The following TMED8 variants were observed in gnomAD, a reference collection of about 807,000 sequenced individuals.
The protein encoded by TMED8 is transmembrane p24 trafficking protein family member 8.
Under a neutral mutation model 32.7 loss-of-function variants are expected in TMED8, and 15 were observed. The ratio of observed to expected loss-of-function variants is 0.46; its 90% CI spans 0.31 to 0.71. TMED8 has a LOEUF of 0.71. Ranked by LOEUF, TMED8 falls within the 30% of genes least tolerant of loss-of-function variation. TMED8 has a pLI of 0.06. For synonymous variants in TMED8, 147 were observed against 161.4 expected, an observed-to-expected ratio of 0.91 and a Z score of 0.68; for missense variants, 390 against 423.9, an observed-to-expected ratio of 0.92 and a Z score of 0.70.
chr14:77,370,728 T>C (rs559240095), intron 1 of TMED8, among the ~76,000 whole-genome samples: 1 of 143,242 alleles, frequency 7.0e-6, no homozygotes, highest in East Asian at 2.0e-4. Context: ...AGATGTTTTA[T>C]GCATATAAAA....
chr14:77,358,165 C>T (rs978529372), intron 1 of TMED8, among the ~76,000 whole-genome samples: 1 of 132,042 alleles, frequency 7.6e-6, no homozygotes, highest in African/African-American at 2.8e-5. Flanking sequence ...TTAAAGACCA[C>T]AATCAATGTA....
chr14:77,359,694 T>C (rs942209191), intron 1 of TMED8: 2 of 286,884 alleles, frequency 7.0e-6, no homozygotes, highest in Non-Finnish European at 1.4e-5. Context: ...AGGCAAACCA[T>C]GGTTGTTAGA....
intron 1 of TMED8, among the ~76,000 whole-genome samples, chr14:77,354,682 AGT>A (rs1893251653): frequency 6.6e-6 from 1 of 152,202 alleles, no homozygotes; most frequent in Admixed American, 6.5e-5. Flanking sequence ...GGCTGGGTGC[AGT>A]GGCTCATGCC....
chr14:77,342,690 C>T (rs887677210), intron 5 of TMED8, among the ~76,000 whole-genome samples: 2 of 152,200 alleles, frequency 1.3e-5, no homozygotes, highest in Admixed American at 6.5e-5. Flanking sequence ...CCCGGAGACC[C>T]TTTTAAAACT....
chr14:77,345,318 G>C (rs1892999363), intron 3 of TMED8, among the ~76,000 whole-genome samples: 1 of 152,158 alleles, frequency 6.6e-6, no homozygotes, highest in African/African-American at 2.4e-5. Flanking sequence ...GAGACACAAT[G>C]GCACCTATCT....
rs1479423699 is a variant in TMED8 at position 77,376,633 on chromosome 14, C to A, written c.118+303G>T. On this transcript the variant is annotated intron_variant, in intron 1 of 5. Coordinates refer to ENST00000216468, the MANE Select transcript of TMED8 (RefSeq NM_213601.3). The surrounding 1 kb of genome is among the most constrained non-coding windows in gnomAD (Gnocchi z 4.0). ...GGTGGGACCCGAACCCCGGCTGAAG[C>A]TGAAACTGAAGCTGAAGAGGCGCCA... The A allele has an allele frequency of 1.4e-5, 3 of 213,884 alleles. No homozygotes were observed. The highest frequency in any genetic ancestry group is 2.3e-5 in the African/African-American group (1 of 43,610). The allele number at this position is 213,884 out of a possible 1,614,324, so 13.2% of individuals were successfully genotyped here.
In TMED8 at chr14:77,341,823, TAGG is replaced by T; in HGVS notation, c.923_925del (p.Ser308del). 1 of 1,612,978 alleles carries T rather than the reference TAGG, an allele frequency of 6.2e-7. No individual in the cohort carries two copies. The highest frequency in any genetic ancestry group is 8.5e-7 in the Non-Finnish European group (1 of 1,179,914). ...GAGAGTCTTGTTGCGCAGCAGGGAG[TAGG>T]AGTTGTCGAACTTGAGCAGGTAGAT... On this transcript the variant is annotated inframe_deletion, in exon 6 of 6. Transcript: ENST00000216468.
Position 77,341,728 on chromosome 14 carries a change from G to T in TMED8, c.*43C>A. 6.3e-7 allele frequency: 1 copy of T among 1,598,728 alleles called. No homozygotes were observed. The highest frequency in any genetic ancestry group is 8.6e-7 in the Non-Finnish European group (1 of 1,166,400). ...AACAAGAGGCACCAGCTGGCAGCCT[G>T]CTTCAGCCAGCAAATACAGCCTGCC... On this transcript the variant is annotated 3_prime_UTR_variant, in exon 6 of 6. Coordinates refer to ENST00000216468, the MANE Select transcript of TMED8 (RefSeq NM_213601.3).
In TMED8 at chr14:77,355,265, A is replaced by C. The variant is rs35549669; in HGVS notation, c.119-3514T>G. 1.4e-4 allele frequency among the ~76,000 whole-genome samples: 21 copies of C among 150,498 alleles called. No homozygotes were observed. The East Asian group carries it at 3.0e-3, about 21-fold the overall frequency. On this transcript the variant is annotated intron_variant, in intron 1 of 5. Coordinates refer to ENST00000216468, the MANE Select transcript of TMED8 (RefSeq NM_213601.3). The stretch of plus-strand genomic sequence containing the variant: ...GGCTGGAGTGCAATGGCATGATCTC[A>C]GCTCACTGCAACCTCTGTCTCCGTG...
In TMED8 at chr14:77,346,509, G is replaced by A. The variant is rs771440264; in HGVS notation, c.198-31C>T. ...AGAGGAAGAGAGCATGTTAATTCAA[G>A]GACTCTTTGAAAAGACTCAATCATC... On this transcript the variant is annotated intron_variant, in intron 2 of 5. Coordinates refer to ENST00000216468, the MANE Select transcript of TMED8 (RefSeq NM_213601.3). 8 of 1,612,540 alleles carry A rather than the reference G, an allele frequency of 5.0e-6. No homozygotes were observed. The South Asian group carries it at 7.7e-5, about 16-fold the overall frequency.
At chr14:77,345,659 C>CAAAAAA (rs11297608) in intron 3 of TMED8, among the ~76,000 whole-genome samples, 1 of 103,208 alleles carries the variant, frequency 9.7e-6, no homozygotes, top group Non-Finnish European at 1.9e-5. Context: ...ACCTTTGTCT[C>CAAAAAA]AAAAAAAAAA....
Position 77,377,086 on chromosome 14 carries a change from G to A in TMED8, c.-33C>T, listed in dbSNP as rs1476561450. The A allele has an allele frequency of 3.1e-5, 40 of 1,287,252 alleles. No individual in the cohort carries two copies. The highest frequency in any genetic ancestry group is 3.6e-5 in the Non-Finnish European group (36 of 997,280). The allele number at this position is 1,287,252 out of a possible 1,614,324, so 79.7% of individuals were successfully genotyped here. A position where few individuals can be genotyped will look rare whatever the true frequency, so the allele number is the denominator to read the frequency against. Reference sequence around the variant, plus strand: ...CCGCGCACGGAGCTCTCCGCTGCCAGCCGCGAGTGGCTCCGGAAACAGCCG... The same window carrying A: ...CCGCGCACGGAGCTCTCCGCTGCCAACCGCGAGTGGCTCCGGAAACAGCCG... On this transcript the variant is annotated 5_prime_UTR_variant, in exon 1 of 6. Transcript: ENST00000216468.
In TMED8 at chr14:77,346,441, C is replaced by G. The variant is rs2139606989; in HGVS notation, c.235G>C (p.Glu79Gln). Residue 79 changes from glutamate to glutamine, a missense_variant, in exon 3 of 6, where the codon GAA (glutamate) becomes CAA (glutamine). Physicochemically the swap from Glu to Gln is conservative, Grantham distance 29 (BLOSUM62 2). Transcript: ENST00000216468. Reference protein sequence around the residue: ...MVSPVSKDATEDLRKATGPLE... With the variant: ...MVSPVSKDATQDLRKATGPLE... ...GGACCAGTTGCTTTCCGCAGATCTT[C>G]CGTGGCATCCTTACTCACTGGAGAT... The G allele has an allele frequency of 6.2e-7, 1 of 1,614,172 alleles. No individual in the cohort carries two copies. The highest frequency in any genetic ancestry group is 2.2e-5 in the East Asian group (1 of 44,882).
At chr14:77,359,917 A>G (rs557932871) in intron 1 of TMED8, 2 of 162,790 alleles carry the variant, frequency 1.2e-5, no homozygotes, top group East Asian at 3.8e-4. Context: ...AATTGAATGA[A>G]TTAACATGGT....
chr14:77,355,355 C>A (rs1387542952), intron 1 of TMED8, among the ~76,000 whole-genome samples: 1 of 151,900 alleles, frequency 6.6e-6, no homozygotes, highest in African/African-American at 2.4e-5. Context: ...CCACCACACC[C>A]GGCTAATTTT....
intron 1 of TMED8, among the ~76,000 whole-genome samples, chr14:77,358,543 C>T (rs906373693): frequency 2.0e-5 from 3 of 152,062 alleles, no homozygotes; most frequent in South Asian, 4.1e-4. Flanking sequence ...GTGATCTGCC[C>T]GCCTCAGCCT....
chr14:77,365,369 C>T (rs991648182), intron 1 of TMED8, among the ~76,000 whole-genome samples: 4 of 152,028 alleles, frequency 2.6e-5, no homozygotes, highest in Non-Finnish European at 5.9e-5. Flanking sequence ...AGTGTGGTAT[C>T]CTTTAGGATA....
intron 1 of TMED8, among the ~76,000 whole-genome samples, chr14:77,354,400 A>G (rs1893246079): frequency 1.3e-5 from 2 of 152,240 alleles, no homozygotes; most frequent in South Asian, 4.1e-4. Flanking sequence ...CCAGGACTTT[A>G]TATACCCTAT....
chr14:77,367,125 C>T (rs940668783), intron 1 of TMED8, among the ~76,000 whole-genome samples: 2 of 151,054 alleles, frequency 1.3e-5, no homozygotes, highest in Non-Finnish European at 2.9e-5. Context: ...GTGTCTAATC[C>T]CAGCTACTTG....
Sources: allele counts gnomAD v4.1 joint callset (sites outside exome capture counted in the v4.1 genomes callset), GRCh38; gene constraint gnomAD v4.1.1; non-coding constraint Gnocchi (gnomAD v3.1); transcripts MANE v1.5; gene names NCBI Gene and HGNC (gene_info 2026-07-23, HGNC 2026-07-21).